The following PPP6R2 variants were observed in gnomAD, a reference collection of about 807,000 sequenced individuals.
PPP6R2 encodes the protein serine/threonine-protein phosphatase 6 regulatory subunit 2.
In PPP6R2, 62 loss-of-function variants were observed where a neutral mutation model predicts 100.2. That is an observed-to-expected ratio of 0.62 (90% CI 0.50 to 0.76). PPP6R2 has a LOEUF of 0.76. Ranked by LOEUF, PPP6R2 falls within the 30% of genes least tolerant of loss-of-function variation. The pLI is 0.00. For missense variants in PPP6R2, 1,142 were observed against 1,276.3 expected (o/e 0.89, Z 1.60); for synonymous variants, 525 against 514.7 (o/e 1.02, Z -0.27).
chr22:50,336,438 G>A, the PPP6R2 span, among the ~76,000 whole-genome samples: 5 of 151,530 alleles, frequency 3.3e-5, no homozygotes, highest in African/African-American at 1.2e-4. Context: ...GTGCGAAGGC[G>A]CGATCTCAGC....
intron 6 of PPP6R2, among the ~76,000 whole-genome samples, 166 bp downstream of exon 6, chr22:50,416,323 A>AT (rs11331065): frequency 4.1e-5 from 6 of 147,578 alleles, no homozygotes; most frequent in South Asian, 2.1e-4. Context: ...TCTAGGCTGG[A>AT]TTTTTTTTTT....
chr22:50,358,158 G>A (rs1034997943), intron 1 of PPP6R2, among the ~76,000 whole-genome samples: 8 of 151,932 alleles, frequency 5.3e-5, no homozygotes, highest in South Asian at 2.1e-4. Context: ...GTCTCTCTGC[G>A]TAGCCCAGGG....
intron 2 of PPP6R2, among the ~76,000 whole-genome samples, chr22:50,375,157 T>C (rs79885286): frequency 0.015 from 2,328 of 152,184 alleles, 65 homozygotes; most frequent in African/African-American, 0.053. Context: ...TGTTATCAAA[T>C]AAATTTTGCA....
intron 2 of PPP6R2, among the ~76,000 whole-genome samples, chr22:50,373,518 C>T (rs1254516277): frequency 6.6e-6 from 1 of 151,776 alleles, no homozygotes; most frequent in East Asian, 1.9e-4. Flanking sequence ...GCTGGGATTA[C>T]AGGCGTGAGC....
intron 4 of PPP6R2, among the ~76,000 whole-genome samples, chr22:50,411,570 AT>A (rs1382579534): frequency 1.3e-5 from 2 of 151,918 alleles, no homozygotes; most frequent in Admixed American, 1.3e-4. Context: ...CTGGCCCAAC[AT>A]GGTGAAACCC....
rs1041062397 is a variant in PPP6R2 at position 50,435,557 on chromosome 22, T to G, written c.1516+476T>G. ...TTTCTTAAGAACGCAGTGGGTTAGG[T>G]GGGCGCAGGCACAGCACATGTGTGG... On this transcript the variant is annotated intron_variant, in intron 13 of 23. Coordinates refer to ENST00000612753, the MANE Select transcript of PPP6R2 (RefSeq NM_001242898.2). Among the ~76,000 whole-genome samples the G allele has an allele frequency of 5.9e-5, 9 of 152,152 alleles. 1 individual carries two copies. The highest frequency in any genetic ancestry group is 2.2e-4 in the African/African-American group (9 of 41,428).
In PPP6R2 at chr22:50,431,371, A is replaced by G. The variant is rs753243094; in HGVS notation, c.1324A>G (p.Met442Val). Residue 442 changes from methionine to valine, a missense_variant, in exon 11 of 24, where the codon ATG becomes GTG. Physicochemically the swap from Met to Val is conservative, Grantham distance 21 (BLOSUM62 1). This residue lies in a region of PPP6R2 where 592 missense variants were observed against 758.9 expected (regional missense o/e 0.78). Coordinates refer to ENST00000612753, the MANE Select transcript of PPP6R2 (RefSeq NM_001242898.2). The surrounding 1 kb of genome is among the most constrained non-coding windows in gnomAD (Gnocchi z 4.8). ...QPAASLPDNT[M>V]VTHLFQKCCL... ...GGCCGCCAGCCTCCCTGACAACACA[A>G]TGGTGACCCACGTGAGTCCAAGAAG... 18 of 1,612,030 alleles carry G rather than the reference A, an allele frequency of 1.1e-5. No homozygotes were observed. The highest frequency in any genetic ancestry group is 1.7e-5 in the Admixed American group (1 of 59,978).
chr22:50,414,753 G>A (rs12158676), intron 5 of PPP6R2, 64 bp downstream of exon 5: 1 of 1,562,918 alleles, frequency 6.4e-7, no homozygotes, highest in Non-Finnish European at 8.7e-7. Flanking sequence ...AGCTGGTTAA[G>A]TGCAGGAGCT....
At chr22:50,378,883 T>TAA (rs112688457) in intron 2 of PPP6R2, among the ~76,000 whole-genome samples, 3 of 128,408 alleles carry the variant, frequency 2.3e-5, no homozygotes, top group Non-Finnish European at 5.1e-5. Context: ...CTGTCCCAAT[T>TAA]AAAAAAAAAA....
At chr22:50,380,520 G>A (rs952033323) in intron 2 of PPP6R2, among the ~76,000 whole-genome samples, 2 of 149,964 alleles carry the variant, frequency 1.3e-5, no homozygotes, top group South Asian at 2.1e-4. Context: ...GCCACCACAC[G>A]CAGCTAATTT....
chr22:50,435,167 G>A (rs2148227729), intron 13 of PPP6R2, 86 bp downstream of exon 13: 1 of 1,141,900 alleles, frequency 8.8e-7, no homozygotes, highest in Non-Finnish European at 1.2e-6. Flanking sequence ...GCTCTGCCCG[G>A]CAGCAGGTGC....
At chr22:50,400,673 G>A (rs982477040) in intron 3 of PPP6R2, among the ~76,000 whole-genome samples, 6 of 152,184 alleles carry the variant, frequency 3.9e-5, no homozygotes, top group Non-Finnish European at 8.8e-5. Context: ...GAGCTTGGGC[G>A]AATTTAGTAA....
intron 1 of PPP6R2, among the ~76,000 whole-genome samples, chr22:50,350,945 C>CTTGGGTGA (rs1285123120): frequency 1.4e-5 from 2 of 147,172 alleles, no homozygotes; most frequent in Non-Finnish European, 3.0e-5. Context: ...AATCAGAGCT[C>CTTGGGTGA]TTGGGTGACT....
At chr22:50,397,283 G>A (rs921408091) in intron 3 of PPP6R2, among the ~76,000 whole-genome samples, 2 of 151,956 alleles carry the variant, frequency 1.3e-5, no homozygotes, top group African/African-American at 4.8e-5. Context: ...TAAGTAAGCA[G>A]AGATGCCCTG....
At chr22:50,374,898 C>A (rs1413237104) in intron 2 of PPP6R2, among the ~76,000 whole-genome samples, 1 of 117,242 alleles carries the variant, frequency 8.5e-6, no homozygotes, top group East Asian at 2.4e-4. Context: ...TGGGCGAGAG[C>A]GAGACTCTGT....
At chr22:50,413,254 C>T (rs1347327846) in intron 4 of PPP6R2, among the ~76,000 whole-genome samples, 1 of 152,046 alleles carries the variant, frequency 6.6e-6, no homozygotes, top group African/African-American at 2.4e-5. Context: ...TGAGCCACCG[C>T]ACCTGGCCAG....
chr22:50,406,024 G>A (rs551963996), intron 3 of PPP6R2, among the ~76,000 whole-genome samples: 23 of 146,412 alleles, frequency 1.6e-4, no homozygotes, highest in African/African-American at 5.3e-4. Flanking sequence ...CCTGGAGAGA[G>A]GTGAGAGACC....
At chr22:50,404,176 C>T (rs560025393) in intron 3 of PPP6R2, among the ~76,000 whole-genome samples, 304 of 151,594 alleles carry the variant, frequency 2.0e-3, no homozygotes, top group African/African-American at 7.2e-3. Flanking sequence ...CTCACTGCAA[C>T]CTCTGCCTCC....
chr22:50,349,245 T>A (rs182834516), intron 1 of PPP6R2, among the ~76,000 whole-genome samples: 12 of 144,982 alleles, frequency 8.3e-5, no homozygotes, highest in Admixed American at 1.4e-4. Flanking sequence ...GCGCCTATAG[T>A]CCCAGCTGCT....
Sources: gnomAD v4.1 joint callset for allele counts (sites outside exome capture counted in the v4.1 genomes callset) on GRCh38, gnomAD v4.1.1 for gene constraint, gnomAD v4.1.1 regional missense constraint, Gnocchi (gnomAD v3.1) non-coding constraint, MANE v1.5 for transcripts, NCBI Gene and HGNC (gene_info 2026-07-23, HGNC 2026-07-21) for gene names.